FAM171A1: variants seen among roughly 807,000 people sequenced by gnomAD.
The protein encoded by FAM171A1 is family with sequence similarity 171 member A1, also known as protein FAM171A1.
FAM171A1 carries 23 observed loss-of-function variants against 74.9 expected under a neutral mutation model. The observed-to-expected ratio is 0.31, with a 90% CI of 0.22 to 0.44. The LOEUF (loss-of-function observed/expected upper bound fraction) is 0.44. Ranked by LOEUF, FAM171A1 falls within the 20% of genes least tolerant of loss-of-function variation. The pLI, the probability that FAM171A1 is intolerant of heterozygous loss-of-function variation, is 1.00. For synonymous variants in FAM171A1, 527 were observed against 505.7 expected (o/e 1.04, Z -0.57); for missense variants, 1,162 against 1,159.2 (o/e 1.00, Z -0.03).
At chr10:15,354,036 A>G (rs1835906757) in intron 1 of FAM171A1, among the ~76,000 whole-genome samples, 1 of 152,236 alleles carries the variant, frequency 6.6e-6, no homozygotes, top group Non-Finnish European at 1.5e-5. Flanking sequence ...AACGCCAGGC[A>G]TTGTCCTTCC....
chr10:15,367,723 CT>C (rs1390726843), intron 1 of FAM171A1, among the ~76,000 whole-genome samples: 1 of 152,212 alleles, frequency 6.6e-6, no homozygotes, highest in Non-Finnish European at 1.5e-5. Context: ...CAGATTGCAG[CT>C]TTTCTGAGAT....
chr10:15,325,338 T>C (rs923162145), intron 1 of FAM171A1, among the ~76,000 whole-genome samples: 1 of 152,022 alleles, frequency 6.6e-6, no homozygotes, highest in African/African-American at 2.4e-5. Context: ...CAAAACCTCG[T>C]CTCTACGAAA....
chr10:15,321,344 G>A (rs1243227860), intron 1 of FAM171A1, among the ~76,000 whole-genome samples: 2 of 152,188 alleles, frequency 1.3e-5, no homozygotes, highest in South Asian at 4.1e-4. Flanking sequence ...GAAACAAGCT[G>A]TGTTCTCGTG....
At chr10:15,291,038 C>T (rs1036374290) in intron 1 of FAM171A1, among the ~76,000 whole-genome samples, 1 of 152,128 alleles carries the variant, frequency 6.6e-6, no homozygotes, top group Non-Finnish European at 1.5e-5. Flanking sequence ...TTTGTAGAGA[C>T]AGGGTTTTGC....
chr10:15,318,440 C>T (rs139636490), intron 1 of FAM171A1, among the ~76,000 whole-genome samples: 1 of 152,164 alleles, frequency 6.6e-6, no homozygotes, highest in Non-Finnish European at 1.5e-5. Flanking sequence ...TAAGTCTATA[C>T]AGAAAAAGGC....
chr10:15,291,630 A>G (rs1269645995), intron 1 of FAM171A1, among the ~76,000 whole-genome samples: 1 of 152,206 alleles, frequency 6.6e-6, no homozygotes, highest in East Asian at 1.9e-4. Context: ...GTGTCTTCAC[A>G]GCCCTTGTGG....
chr10:15,299,734 C>T (rs1368888625), intron 1 of FAM171A1, among the ~76,000 whole-genome samples: 4 of 152,090 alleles, frequency 2.6e-5, no homozygotes, highest in Admixed American at 2.0e-4. Context: ...AATCCCAGCA[C>T]TTTGGGAGGC....
intron 3 of FAM171A1, among the ~76,000 whole-genome samples, chr10:15,264,371 G>A (rs762275406): frequency 9.2e-5 from 14 of 152,100 alleles, no homozygotes; most frequent in Non-Finnish European, 2.1e-4. Flanking sequence ...GCCGGGCATA[G>A]TGGCTTGCAT....
At chr10:15,331,467 C>T (rs1188675110) in intron 1 of FAM171A1, among the ~76,000 whole-genome samples, 1 of 152,106 alleles carries the variant, frequency 6.6e-6, no homozygotes, top group Non-Finnish European at 1.5e-5. Flanking sequence ...CAGATGGGCA[C>T]AGCAGGCTTG....
At position 15,214,503 on chromosome 10, in the gene FAM171A1, A is replaced by C. The variant is rs1833942351; in HGVS notation, c.1085T>G (p.Ile362Ser). 14 of 1,614,036 alleles carry C rather than the reference A, an allele frequency of 8.7e-6. No homozygotes were observed. Among genetic ancestry groups the C allele is most frequent in the Non-Finnish European group, 1.2e-5 (14 of 1,180,032 alleles). ...CGCTCGGCGTGAAAACAGCAAGTTA[A>C]TGTGTGACATGGACGTGGACTGGTC... The part of the protein sequence containing the change: ...KRDQSTSMSH[I>S]NLLFSRRASE... The change falls in exon 8 of 8, where the codon ATT becomes AGT. Residue 362 changes from isoleucine to serine, a missense_variant. By Grantham distance (142) the Ile-to-Ser change is moderately radical. Transcript: ENST00000378116.
At chr10:15,256,399 A>G (rs1834581022) in intron 3 of FAM171A1, among the ~76,000 whole-genome samples, 1 of 152,144 alleles carries the variant, frequency 6.6e-6, no homozygotes, top group African/African-American at 2.4e-5. Context: ...ACTGGCAGGG[A>G]GTCACAATGC....
intron 1 of FAM171A1, among the ~76,000 whole-genome samples, chr10:15,311,885 C>A (rs928918855): frequency 6.6e-6 from 1 of 152,222 alleles, no homozygotes; most frequent in East Asian, 1.9e-4. Context: ...GATGCCTAGA[C>A]AGTGCTAGTC....
chr10:15,346,568 G>T (rs1835819156), intron 1 of FAM171A1, among the ~76,000 whole-genome samples: 1 of 152,194 alleles, frequency 6.6e-6, no homozygotes, highest in Admixed American at 6.5e-5. Context: ...CCATCCAGGA[G>T]ATCCAGATGC....
At chr10:15,238,926 T>C (rs1305042542) in intron 5 of FAM171A1, among the ~76,000 whole-genome samples, 1 of 152,234 alleles carries the variant, frequency 6.6e-6, no homozygotes, top group Non-Finnish European at 1.5e-5. Flanking sequence ...CAGGTTGCCA[T>C]TAAACAGGAG....
intron 5 of FAM171A1, among the ~76,000 whole-genome samples, chr10:15,245,035 C>T (rs1834414014): frequency 6.6e-6 from 1 of 151,936 alleles, no homozygotes; most frequent in African/African-American, 2.4e-5. Context: ...ATAAACTGTT[C>T]AGCCAGTTGA....
Position 15,213,384 on chromosome 10 carries a change from C to T in FAM171A1, c.2204G>A (p.Ser735Asn), listed in dbSNP as rs1833919519. 6.2e-6 allele frequency: 10 copies of T among 1,614,082 alleles called. No individual in the cohort carries two copies. Among genetic ancestry groups the T allele is most frequent in the African/African-American group, 2.7e-5 (2 of 74,928 alleles). ...IDLQRAGRNG[S>N]NDASLDSGVD... ...GCCAGAGTCCAAACTGGCATCATTACTTCCGTTCCTTCCAGCTCTTTGGAG... is the reference window on the plus strand; with the variant it reads ...GCCAGAGTCCAAACTGGCATCATTATTTCCGTTCCTTCCAGCTCTTTGGAG... Residue 735 changes from serine (S) to asparagine (N), a missense_variant, in exon 8 of 8, where the codon AGT (serine) becomes AAT (asparagine). By Grantham distance (46) the Ser-to-Asn change is conservative. Transcript: ENST00000378116. The surrounding 1 kb of genome is among the most constrained non-coding windows in gnomAD (Gnocchi z 6.8).
intron 5 of FAM171A1, among the ~76,000 whole-genome samples, chr10:15,235,570 A>G (rs1010427654): frequency 2.0e-5 from 3 of 152,110 alleles, no homozygotes; most frequent in African/African-American, 7.2e-5. Flanking sequence ...TGTCCTTATT[A>G]TGCTGGTGTT....
chr10:15,350,563 G>A (rs966639173), intron 1 of FAM171A1, among the ~76,000 whole-genome samples: 61 of 151,196 alleles, frequency 4.0e-4, no homozygotes, highest in African/African-American at 1.4e-3. Flanking sequence ...GGATGGTCTC[G>A]ATCTCTTGAC....
At chr10:15,331,705 G>A (rs1167349136) in intron 1 of FAM171A1, among the ~76,000 whole-genome samples, 3 of 151,206 alleles carry the variant, frequency 2.0e-5, no homozygotes, top group Non-Finnish European at 4.4e-5. Flanking sequence ...GACAAACACA[G>A]GCCAATTACA....
Sources: gnomAD v4.1 joint callset for allele counts (sites outside exome capture counted in the v4.1 genomes callset) on GRCh38, gnomAD v4.1.1 for gene constraint, Gnocchi (gnomAD v3.1) non-coding constraint, MANE v1.5 for transcripts, NCBI Gene and HGNC (gene_info 2026-07-23, HGNC 2026-07-21) for gene names.